NPAS3: variants seen among roughly 807,000 people sequenced by gnomAD.
NPAS3 encodes the protein neuronal PAS domain-containing protein 3.
A neutral mutation model predicts 73.1 loss-of-function variants in NPAS3; 14 were observed. That is an observed-to-expected ratio of 0.19 (90% confidence interval 0.13 to 0.30). The LOEUF (loss-of-function observed/expected upper bound fraction) is 0.30, where lower values mean the gene tolerates loss of function less well. Ranked by LOEUF, NPAS3 falls within the 10% of genes least tolerant of loss-of-function variation. NPAS3 has a pLI of 1.00. For synonymous variants in NPAS3, 620 were observed against 541.5 expected (o/e 1.14, Z -2.01); for missense variants, 1,096 against 1,250.0 (o/e 0.88, Z 1.86).
chr14:32,937,584 C>T (rs1191026994), upstream of NPAS3, among the ~76,000 whole-genome samples: 1 of 152,176 alleles, frequency 6.6e-6, no homozygotes, highest in African/African-American at 2.4e-5. Flanking sequence ...AACTTAAACA[C>T]CATCATGCAG....
intron 2 of NPAS3, among the ~76,000 whole-genome samples, chr14:33,119,476 C>T (rs1389331886): frequency 6.6e-6 from 1 of 152,076 alleles, no homozygotes; most frequent in Non-Finnish European, 1.5e-5. Context: ...GTAAGTTTCT[C>T]CAGCTCAGGG....
chr14:33,092,859 C>G (rs1472730353), intron 2 of NPAS3, among the ~76,000 whole-genome samples: 3 of 152,074 alleles, frequency 2.0e-5, no homozygotes, highest in Admixed American at 6.5e-5. Context: ...ACAAAAACAA[C>G]AAATGGGGAA....
At chr14:32,938,491 G>C (rs1388307944), upstream of NPAS3, among the ~76,000 whole-genome samples, 2 of 94,678 alleles carry the variant, frequency 2.1e-5, no homozygotes, top group African/African-American at 9.1e-5. Flanking sequence ...GAAATTGAGA[G>C]AGAGAGAGAG....
At chr14:33,144,522 C>T (rs1352506651) in intron 2 of NPAS3, among the ~76,000 whole-genome samples, 2 of 152,124 alleles carry the variant, frequency 1.3e-5, no homozygotes, top group Admixed American at 1.3e-4. Flanking sequence ...TTCCCAGTTA[C>T]CTGAAGTACA....
chr14:33,340,641 A>C (rs2044433076), intron 3 of NPAS3, among the ~76,000 whole-genome samples: 1 of 152,232 alleles, frequency 6.6e-6, no homozygotes, highest in Non-Finnish European at 1.5e-5. Flanking sequence ...TTATGGTGAA[A>C]ATGATGAGAG....
At chr14:33,139,576 T>C (rs1382537680) in intron 2 of NPAS3, among the ~76,000 whole-genome samples, 1 of 152,160 alleles carries the variant, frequency 6.6e-6, no homozygotes, top group African/African-American at 2.4e-5. Context: ...TATTAAAGAA[T>C]TGTATTCCTC....
At chr14:33,428,941 A>G (rs1389424820) in intron 4 of NPAS3, among the ~76,000 whole-genome samples, 2 of 152,166 alleles carry the variant, frequency 1.3e-5, no homozygotes. Context: ...TTTAAGGAAT[A>G]GTAATAAAAC....
At chr14:33,713,893 G>A (rs1416816777) in intron 6 of NPAS3, among the ~76,000 whole-genome samples, 2 of 152,210 alleles carry the variant, frequency 1.3e-5, no homozygotes, top group South Asian at 2.1e-4. Flanking sequence ...ACTCTGCTGT[G>A]TCCACATTGG....
chr14:33,692,203 C>T (rs1232320957), intron 6 of NPAS3, among the ~76,000 whole-genome samples: 1 of 152,074 alleles, frequency 6.6e-6, no homozygotes, highest in African/African-American at 2.4e-5. Context: ...TACAACTGTT[C>T]AGATCTTTCA....
chr14:33,504,249 T>C (rs559203239), intron 4 of NPAS3, among the ~76,000 whole-genome samples: 7 of 152,126 alleles, frequency 4.6e-5, no homozygotes, highest in Non-Finnish European at 7.4e-5. Context: ...CTTGAATTCC[T>C]CTGTGAGCTG....
intron 3 of NPAS3, among the ~76,000 whole-genome samples, chr14:33,242,565 A>T (rs768744532): frequency 1.3e-5 from 2 of 152,132 alleles, no homozygotes; most frequent in East Asian, 1.9e-4. Flanking sequence ...TCTTAGTCAG[A>T]GTAAGCTAAA....
chr14:33,259,200 T>G (rs571063837), intron 3 of NPAS3, among the ~76,000 whole-genome samples: 1 of 152,350 alleles, frequency 6.6e-6, no homozygotes, highest in South Asian at 2.1e-4. Flanking sequence ...TGTTGCCTTT[T>G]ATCCCCCAGG....
intron 1 of NPAS3, among the ~76,000 whole-genome samples, chr14:32,999,450 G>A (rs955593670): frequency 2.0e-5 from 3 of 152,104 alleles, no homozygotes; most frequent in African/African-American, 7.2e-5. Flanking sequence ...GGCAGAGCTT[G>A]CAGTGAGCAG....
At chr14:33,662,849 G>A (rs1171225439) in intron 5 of NPAS3, among the ~76,000 whole-genome samples, 1 of 149,232 alleles carries the variant, frequency 6.7e-6, no homozygotes, top group Non-Finnish European at 1.5e-5. Context: ...GAGATTTGGG[G>A]CTGAGACAAT....
chr14:33,160,113 C>T (rs1034276869), intron 2 of NPAS3, among the ~76,000 whole-genome samples: 1 of 152,028 alleles, frequency 6.6e-6, no homozygotes, highest in East Asian at 1.9e-4. Context: ...ATAAAACTTT[C>T]TTTTTTCAAT....
intron 2 of NPAS3, among the ~76,000 whole-genome samples, chr14:33,088,980 A>G (rs984116053): frequency 7.2e-5 from 11 of 152,030 alleles, no homozygotes; most frequent in African/African-American, 2.2e-4. Context: ...TGTTAAAAGG[A>G]AAACTAACAA....
chr14:33,530,001 T>C (rs58453021), intron 4 of NPAS3, among the ~76,000 whole-genome samples: 1 of 152,188 alleles, frequency 6.6e-6, no homozygotes, highest in Admixed American at 6.6e-5. Flanking sequence ...GAACAGGCCT[T>C]GGAACAGATG....
At chr14:33,114,823 C>T (rs776220755) in intron 2 of NPAS3, among the ~76,000 whole-genome samples, 7 of 151,960 alleles carry the variant, frequency 4.6e-5, no homozygotes, top group African/African-American at 1.4e-4. Flanking sequence ...AAAGAAGTCT[C>T]AACAATAGAA....
chr14:33,328,619 G>T (rs1381367628), intron 3 of NPAS3, among the ~76,000 whole-genome samples: 2 of 151,220 alleles, frequency 1.3e-5, no homozygotes, highest in East Asian at 1.9e-4. Context: ...CACCACGCCC[G>T]GCTAATTTTT....
Sources: allele counts gnomAD v4.1 joint callset (sites outside exome capture counted in the v4.1 genomes callset), GRCh38; gene constraint gnomAD v4.1.1; transcripts MANE v1.5; gene names NCBI Gene and HGNC (gene_info 2026-07-23, HGNC 2026-07-21).